Variants in CRYBA4 observed in about 807,000 individuals in gnomAD.
CRYBA4 encodes crystallin beta A4, also known as beta-crystallin A4.
CRYBA4 carries 30 observed loss-of-function variants against 31.7 expected under a neutral mutation model. That is an observed-to-expected ratio of 0.95 (90% CI 0.71 to 1.28). The LOEUF is 1.28. Among genes scored for constraint, CRYBA4 ranks in the 50% most tolerant of loss-of-function variants. The pLI, the probability that CRYBA4 is intolerant of heterozygous loss-of-function variation, is 0.00. For missense variants in CRYBA4, 225 were observed against 260.7 expected (o/e 0.86, Z 0.94); for synonymous variants, 102 against 102.3 (o/e 1.00, Z 0.02).
In CRYBA4 at chr22:26,625,575, G is replaced by T. The variant is rs866482371; in HGVS notation, c.253G>T (p.Ala85Ser). The change falls in exon 4 of 6, where the codon GCC becomes TCC. Residue 85 changes from alanine to serine, a missense_variant. Coordinates refer to ENST00000354760, the MANE Select transcript of CRYBA4 (RefSeq NM_001886.3). ...PSWDAWGGNT[A>S]YPAERLTSFR... ...CTGGGATGCCTGGGGCGGCAACACGGCCTACCCCGCCGAGAGGCTCACCTC... is the reference window on the plus strand; with the variant it reads ...CTGGGATGCCTGGGGCGGCAACACGTCCTACCCCGCCGAGAGGCTCACCTC... 6.2e-7 allele frequency: 1 copy of T among 1,613,660 alleles called. No individual in the cohort carries two copies. The highest frequency in any genetic ancestry group is 2.2e-5 in the East Asian group (1 of 44,876).
the CRYBA4 span, chr22:26,599,813 T>C: frequency 8.1e-6 from 6 of 739,878 alleles, no homozygotes; most frequent in Non-Finnish European, 1.4e-5. Context: ...TATCCCTTCC[T>C]GCTCTGTGCC....
At chr22:26,623,765 TAA>T (rs11389946) in intron 3 of CRYBA4, among the ~76,000 whole-genome samples, 61 of 148,482 alleles carry the variant, frequency 4.1e-4, no homozygotes, top group African/African-American at 1.2e-3. Context: ...TCATTTTTTG[TAA>T]AAAAAAAAAA....
the CRYBA4 span, among the ~76,000 whole-genome samples, chr22:26,590,963 A>G: frequency 6.6e-6 from 1 of 152,206 alleles, no homozygotes; most frequent in Non-Finnish European, 1.5e-5. Context: ...ATGCTTGTGC[A>G]TTGAATACCT....
At chr22:26,592,218 T>C in the CRYBA4 span, among the ~76,000 whole-genome samples, 1 of 152,132 alleles carries the variant, frequency 6.6e-6, no homozygotes, top group Non-Finnish European at 1.5e-5. Flanking sequence ...CTTTTGTGGA[T>C]GAAAAAAATG....
chr22:26,601,892 C>A, the CRYBA4 span: 2 of 1,612,076 alleles, frequency 1.2e-6, no homozygotes, highest in South Asian at 2.2e-5. Flanking sequence ...CCACTGGAGA[C>A]CTTCACGCTG....
chr22:26,624,915 C>T (rs1234180675), intron 3 of CRYBA4, among the ~76,000 whole-genome samples: 2 of 152,134 alleles, frequency 1.3e-5, no homozygotes, highest in Admixed American at 6.5e-5. Context: ...TCAGAGTGGC[C>T]AGAGAGGCAG....
At chr22:26,611,976 C>T in the CRYBA4 span, 12 of 894,362 alleles carry the variant, frequency 1.3e-5, no homozygotes, top group African/African-American at 3.3e-5. Flanking sequence ...TACGAACGGC[C>T]GCAGGCACAG....
chr22:26,604,182 G>A, the CRYBA4 span, among the ~76,000 whole-genome samples: 1 of 152,166 alleles, frequency 6.6e-6, no homozygotes, highest in African/African-American at 2.4e-5. Flanking sequence ...CAAACCCACA[G>A]ACCTTGGTTC....
intron 3 of CRYBA4, 132 bp from the exon 4 acceptor site, chr22:26,625,349 C>G: frequency 9.6e-7 from 1 of 1,039,432 alleles, no homozygotes; most frequent in Admixed American, 2.2e-5. Flanking sequence ...CTCCAGCCAT[C>G]GTCAAGTGTT....
At chr22:26,615,659 G>A in the CRYBA4 span, among the ~76,000 whole-genome samples, 18 of 151,952 alleles carry the variant, frequency 1.2e-4, no homozygotes, top group Non-Finnish European at 2.2e-4. Context: ...GATTACAGGC[G>A]CCCACCACTA....
chr22:26,622,585 G>A lies in CRYBA4; in HGVS notation c.-12G>A. ...ATTATAATGTTCTTCTCTTCTGCAG[G>A]AAGGGGCCACAATGACCCTGCAATG... On this transcript the variant is annotated splice_region_variant and 5_prime_UTR_variant, in exon 2 of 6. Coordinates refer to ENST00000354760, the MANE Select transcript of CRYBA4 (RefSeq NM_001886.3). 2 of 1,611,640 alleles carry A rather than the reference G, an allele frequency of 1.2e-6. No homozygotes were observed. Among genetic ancestry groups the A allele is most frequent in the South Asian group, 1.1e-5 (1 of 91,030 alleles).
chr22:26,612,186 A>C, the CRYBA4 span: 1 of 1,612,020 alleles, frequency 6.2e-7, no homozygotes, highest in Non-Finnish European at 8.5e-7. Flanking sequence ...TTCGAAGACC[A>C]CCAGCTGCAG....
chr22:26,611,984 C>T, the CRYBA4 span: 1 of 962,770 alleles, frequency 1.0e-6, no homozygotes. Context: ...GCCGCAGGCA[C>T]AGAGCAGATG....
chr22:26,620,709 G>A (rs1236577846), upstream of CRYBA4, among the ~76,000 whole-genome samples: 4 of 48 alleles, frequency 0.083, no homozygotes, highest in African/African-American at 0.083. Context: ...GATTACAGGC[G>A]CCCGCGCTAC....
chr22:26,621,333 T>C (rs1000065306), upstream of CRYBA4, among the ~76,000 whole-genome samples: 1 of 152,192 alleles, frequency 6.6e-6, no homozygotes, highest in African/African-American at 2.4e-5. Flanking sequence ...CCAGGCCAAT[T>C]GGGCTACCAG....
chr22:26,594,318 C>T, the CRYBA4 span, among the ~76,000 whole-genome samples: 1 of 152,210 alleles, frequency 6.6e-6, no homozygotes, highest in Non-Finnish European at 1.5e-5. Context: ...TATTTATCAG[C>T]ATCTCATGCT....
the CRYBA4 span, chr22:26,607,806 T>G: frequency 6.3e-7 from 1 of 1,598,602 alleles, no homozygotes; most frequent in Admixed American, 1.7e-5. Flanking sequence ...CATCATCTCC[T>G]TCTTGCCCTT....
At chr22:26,611,215 G>T in the CRYBA4 span, among the ~76,000 whole-genome samples, 60 of 152,292 alleles carry the variant, frequency 3.9e-4, no homozygotes, top group African/African-American at 1.3e-3. Context: ...CCTTGGGTAA[G>T]AGACTCACCC....
chr22:26,600,267 T>C, the CRYBA4 span, among the ~76,000 whole-genome samples: 1 of 152,020 alleles, frequency 6.6e-6, no homozygotes, highest in African/African-American at 2.4e-5. Flanking sequence ...CAGGGTGTGG[T>C]GGTGGGCACC....
Sources: gnomAD v4.1 joint callset for allele counts (sites outside exome capture counted in the v4.1 genomes callset) on GRCh38, gnomAD v4.1.1 for gene constraint, MANE v1.5 for transcripts, NCBI Gene and HGNC (gene_info 2026-07-23, HGNC 2026-07-21) for gene names.